Variants in RGS7 observed in about 807,000 individuals in gnomAD.
RGS7 encodes the protein regulator of G protein signaling 7, also known as regulator of G-protein signaling 7.
Under a neutral mutation model 81.1 loss-of-function variants are expected in RGS7, and 27 were observed. The ratio of observed to expected loss-of-function variants is 0.33; its 90% CI spans 0.25 to 0.46. The LOEUF (loss-of-function observed/expected upper bound fraction) is 0.46, where lower values mean the gene tolerates loss of function less well. Among genes scored for constraint, RGS7 ranks in the 20% least tolerant of loss-of-function variants. The probability of loss-of-function intolerance (pLI) is 1.00; values close to 1 mark genes in which losing one functional copy is unlikely to be tolerated. For missense variants in RGS7, 396 were observed against 607.4 expected, an observed-to-expected ratio of 0.65 and a Z score of 3.66; for synonymous variants, 208 against 207.7, an observed-to-expected ratio of 1.00 and a Z score of -0.01.
At chr1:241,354,542 T>C (rs1319444704) in intron 2 of RGS7, among the ~76,000 whole-genome samples, 23 of 152,184 alleles carry the variant, frequency 1.5e-4, no homozygotes, top group Non-Finnish European at 1.0e-4. Context: ...ATTAAAGCCA[T>C]AGCAATATTC....
intron 2 of RGS7, among the ~76,000 whole-genome samples, chr1:241,245,783 G>A (rs1189949375): frequency 1.3e-5 from 2 of 151,108 alleles, no homozygotes; most frequent in African/African-American, 4.9e-5. Context: ...CTCCAGCCTG[G>A]GCAACACAGC....
chr1:241,314,447 T>C (rs1208008930), intron 2 of RGS7, among the ~76,000 whole-genome samples: 1 of 152,230 alleles, frequency 6.6e-6, no homozygotes, highest in African/African-American at 2.4e-5. Context: ...TACCTTGTTT[T>C]TTTAGCCATA....
intron 3 of RGS7, among the ~76,000 whole-genome samples, chr1:241,026,415 C>A (rs599453): frequency 0.44 from 66,906 of 151,774 alleles, 15,140 homozygotes; most frequent in Middle Eastern, 0.54. Context: ...ATGGTGAAAC[C>A]CTGTCTCTAC....
At chr1:241,099,785 G>C (rs1050144579) in intron 2 of RGS7, among the ~76,000 whole-genome samples, 3 of 152,016 alleles carry the variant, frequency 2.0e-5, no homozygotes, top group Non-Finnish European at 4.4e-5. Context: ...CATATGACTG[G>C]GCACCGTGGA....
chr1:240,991,931 T>G (rs1686511608), intron 3 of RGS7, among the ~76,000 whole-genome samples: 1 of 152,196 alleles, frequency 6.6e-6, no homozygotes, highest in Non-Finnish European at 1.5e-5. Flanking sequence ...ACTGCCTCTA[T>G]GAAGGACATA....
Position 241,164,094 on chromosome 1 carries a change from G to A in RGS7, c.79-65332C>T, listed in dbSNP as rs2069966733. 6.6e-6 allele frequency among the ~76,000 whole-genome samples: 1 copy of A among 152,020 alleles called. No individual in the cohort carries two copies. Among genetic ancestry groups the A allele is most frequent in the Admixed American group, 6.6e-5 (1 of 15,252 alleles). ...TTGCTAGAGTGGCTTTCTGAACCTA[G>A]GGAACACTTATGCTTACTGGTTTAT... On this transcript the variant is annotated intron_variant, in intron 2 of 18. Transcript: ENST00000440928. This position sits in a 1 kb window ranked among gnomAD's most constrained non-coding sequence, Gnocchi z 4.1.
At chr1:241,259,477 A>G (rs978945864) in intron 2 of RGS7, among the ~76,000 whole-genome samples, 1 of 151,084 alleles carries the variant, frequency 6.6e-6, no homozygotes, top group Non-Finnish European at 1.5e-5. Flanking sequence ...CAACATGGAG[A>G]AACCCTCTAC....
chr1:241,047,154 G>A (rs2060977026), intron 3 of RGS7, among the ~76,000 whole-genome samples: 1 of 152,132 alleles, frequency 6.6e-6, no homozygotes, highest in Non-Finnish European at 1.5e-5. Flanking sequence ...ACAACCAGTT[G>A]CTTTGAGGTT....
intron 2 of RGS7, among the ~76,000 whole-genome samples, chr1:241,334,609 G>A (rs1000731548): frequency 2.0e-5 from 3 of 152,174 alleles, no homozygotes; most frequent in Admixed American, 6.5e-5. Flanking sequence ...GGACTATCCA[G>A]TAAAACTCCT....
Position 241,301,288 on chromosome 1 carries a change from A to G in RGS7, c.78+54411T>C, listed in dbSNP as rs529722693. On this transcript the variant is annotated intron_variant, in intron 2 of 18. Transcript: ENST00000440928. ...TGTAAAGTAATGCAATGACTGGATA[A>G]TTTAATCAGCATTTACACCCATGCA... 4.6e-5 allele frequency among the ~76,000 whole-genome samples: 7 copies of G among 152,352 alleles called. No homozygotes were observed. In the South Asian group the frequency reaches 1.4e-3, roughly 32 times the overall value.
intron 2 of RGS7, among the ~76,000 whole-genome samples, chr1:241,217,472 G>A (rs1198193163): frequency 6.6e-6 from 1 of 152,144 alleles, no homozygotes; most frequent in Non-Finnish European, 1.5e-5. Context: ...GATTTGTACT[G>A]TGACCCTGTC....
At chr1:240,893,952 C>T (rs150509839) in intron 6 of RGS7, among the ~76,000 whole-genome samples, 35 of 152,108 alleles carry the variant, frequency 2.3e-4, no homozygotes, top group African/African-American at 8.2e-4. Flanking sequence ...AATCTCATTC[C>T]TTTTTTCTTG....
intron 5 of RGS7, among the ~76,000 whole-genome samples, chr1:240,934,926 T>A (rs1260573443): frequency 7.0e-6 from 1 of 143,550 alleles, no homozygotes; most frequent in Non-Finnish European, 1.5e-5. Context: ...TCTCGCTCTG[T>A]CGCCCAGGCT....
intron 2 of RGS7, among the ~76,000 whole-genome samples, chr1:241,106,479 C>T (rs527241610): frequency 6.6e-6 from 1 of 152,122 alleles, no homozygotes; most frequent in South Asian, 2.1e-4. Flanking sequence ...CTTGGGAAGC[C>T]GAGGCCAACG....
At chr1:241,031,609 C>G (rs1245075801) in intron 3 of RGS7, among the ~76,000 whole-genome samples, 3 of 152,130 alleles carry the variant, frequency 2.0e-5, no homozygotes, top group Admixed American at 6.5e-5. Flanking sequence ...ATAAACGTTC[C>G]TTTTTCTCCA....
At chr1:241,334,839 CATTA>C (rs940095889) in intron 2 of RGS7, among the ~76,000 whole-genome samples, 12 of 138,912 alleles carry the variant, frequency 8.6e-5, no homozygotes, top group African/African-American at 4.0e-4. Flanking sequence ...CTTCAAGAAT[CATTA>C]ATTGTGTTAC....
chr1:241,085,961 C>T (rs1410536048), intron 3 of RGS7, among the ~76,000 whole-genome samples: 1 of 152,192 alleles, frequency 6.6e-6, no homozygotes, highest in Non-Finnish European at 1.5e-5. Flanking sequence ...GCCTGCTTCC[C>T]TTGCTGCTCC....
chr1:241,121,385 T>C (rs542502911), intron 2 of RGS7, among the ~76,000 whole-genome samples: 2 of 152,286 alleles, frequency 1.3e-5, no homozygotes, highest in East Asian at 3.9e-4. Flanking sequence ...GAGGTATGTA[T>C]GCATCTAGGT....
At chr1:241,302,990 C>A (rs78136571) in intron 2 of RGS7, among the ~76,000 whole-genome samples, 1 of 146,390 alleles carries the variant, frequency 6.8e-6, no homozygotes, top group Non-Finnish European at 1.6e-5. Context: ...TTCCCACTCA[C>A]GGACCCATGA....
Sources: allele counts gnomAD v4.1 joint callset (sites outside exome capture counted in the v4.1 genomes callset), GRCh38; gene constraint gnomAD v4.1.1; non-coding constraint Gnocchi (gnomAD v3.1); transcripts MANE v1.5; gene names NCBI Gene and HGNC (gene_info 2026-07-23, HGNC 2026-07-21).